SGCZ: variants seen among roughly 807,000 people sequenced by gnomAD.
The protein encoded by SGCZ is zeta-sarcoglycan.
A neutral mutation model predicts 41.3 loss-of-function variants in SGCZ; 40 were observed. That is an observed-to-expected ratio of 0.97 (90% confidence interval 0.75 to 1.26). The LOEUF is 1.26. Ranked by LOEUF, SGCZ falls within the 50% of genes most tolerant of loss-of-function variation. SGCZ has a pLI of 0.00. For synonymous variants in SGCZ, 206 were observed against 137.5 expected (o/e 1.50, Z -3.49); for missense variants, 552 against 369.8 (o/e 1.49, Z -4.04).
intron 1 of SGCZ, among the ~76,000 whole-genome samples, chr8:14,934,957 TAGAGTTATTC>T (rs1391742970): frequency 2.0e-5 from 3 of 148,850 alleles, no homozygotes; most frequent in Admixed American, 6.6e-5. Flanking sequence ...CCCCTCAACT[TAGAGTTATTC>T]AGAGTTATTC....
At chr8:14,467,836 T>G (rs926278191) in intron 2 of SGCZ, among the ~76,000 whole-genome samples, 6 of 152,094 alleles carry the variant, frequency 3.9e-5, no homozygotes, top group African/African-American at 1.4e-4. Flanking sequence ...TGACATCTTC[T>G]TAAATCAGAT....
rs770785138 is a variant in SGCZ at position 14,084,850 on chromosome 8, T to G, written c.*5593A>C. Among the ~76,000 whole-genome samples the G allele has an allele frequency of 2.4e-4, 37 of 151,870 alleles. No homozygotes were observed. The highest frequency in any genetic ancestry group is 4.3e-4 in the Non-Finnish European group (29 of 67,866). On this transcript the variant is annotated 3_prime_UTR_variant, in exon 8 of 8. Coordinates refer to ENST00000382080, the MANE Select transcript of SGCZ (RefSeq NM_139167.4). ...ATAAATGAAATGATATCATGTAAGT[T>G]TTTATCCTCTTTGTTTTGACTATCA...
intron 5 of SGCZ, among the ~76,000 whole-genome samples, chr8:14,148,598 C>G (rs1039246913): frequency 6.6e-6 from 1 of 151,984 alleles, no homozygotes; most frequent in Non-Finnish European, 1.5e-5. Context: ...CTGAATCCAA[C>G]CAAATAAACA....
chr8:14,514,848 A>G (rs923103503), intron 2 of SGCZ, among the ~76,000 whole-genome samples: 2 of 145,638 alleles, frequency 1.4e-5, no homozygotes, highest in African/African-American at 5.0e-5. Flanking sequence ...CACACACTGC[A>G]TATATGAACC....
intron 1 of SGCZ, among the ~76,000 whole-genome samples, chr8:14,822,573 A>C (rs1392097016): frequency 6.6e-6 from 1 of 152,200 alleles, no homozygotes; most frequent in Non-Finnish European, 1.5e-5. Flanking sequence ...ACTTAACTTC[A>C]AAATATGCTA....
chr8:14,290,211 G>A (rs542791986), intron 3 of SGCZ, among the ~76,000 whole-genome samples: 5 of 151,980 alleles, frequency 3.3e-5, no homozygotes, highest in East Asian at 1.9e-4. Flanking sequence ...AGCCTTAAAC[G>A]TAAGACTCAA....
intron 3 of SGCZ, 30 bp from the exon 4 acceptor site, chr8:14,237,709 G>C (rs1441685883): frequency 3.2e-6 from 5 of 1,573,832 alleles, no homozygotes; most frequent in Non-Finnish European, 4.3e-6. Flanking sequence ...TAAATAAATA[G>C]AAAATAGAAA....
At chr8:14,601,295 T>C (rs1300119768) in intron 1 of SGCZ, among the ~76,000 whole-genome samples, 1 of 152,084 alleles carries the variant, frequency 6.6e-6, no homozygotes, top group African/African-American at 2.4e-5. Flanking sequence ...TAAAAAGTGA[T>C]TGATTAGACA....
intron 3 of SGCZ, among the ~76,000 whole-genome samples, chr8:14,293,299 A>G (rs1000812528): frequency 5.9e-5 from 9 of 152,078 alleles, no homozygotes; most frequent in African/African-American, 2.2e-4. Context: ...TCTGTCTGCC[A>G]CACATGAATG....
At chr8:14,774,460 C>T (rs1167441784) in intron 1 of SGCZ, among the ~76,000 whole-genome samples, 1 of 152,208 alleles carries the variant, frequency 6.6e-6, no homozygotes, top group African/African-American at 2.4e-5. Flanking sequence ...ATTGTTCACA[C>T]CTGTGTCCCC....
intron 1 of SGCZ, among the ~76,000 whole-genome samples, chr8:15,088,572 A>G (rs1806033870): frequency 6.6e-6 from 1 of 151,454 alleles, no homozygotes; most frequent in Non-Finnish European, 1.5e-5. Flanking sequence ...TAAATAAAAG[A>G]TGCTCTCATA....
chr8:14,241,258 G>C (rs554993690), intron 3 of SGCZ, among the ~76,000 whole-genome samples: 10 of 151,800 alleles, frequency 6.6e-5, no homozygotes, highest in African/African-American at 2.2e-4. Context: ...AGACATAGTA[G>C]TACTCTCTTA....
intron 3 of SGCZ, among the ~76,000 whole-genome samples, chr8:14,318,985 A>G (rs1801821076): frequency 6.6e-6 from 1 of 151,666 alleles, no homozygotes; most frequent in Non-Finnish European, 1.5e-5. Flanking sequence ...AACTTATTTG[A>G]AAAAAAATAA....
chr8:15,046,165 A>G (rs899618853), intron 1 of SGCZ, among the ~76,000 whole-genome samples: 1 of 152,090 alleles, frequency 6.6e-6, no homozygotes, highest in African/African-American at 2.4e-5. Flanking sequence ...TGTTTTTTAA[A>G]CTAAAGCAAT....
intron 1 of SGCZ, among the ~76,000 whole-genome samples, chr8:14,854,021 TTATATATA>T (rs10604213): frequency 0.14 from 14,789 of 107,660 alleles, 1,083 homozygotes; most frequent in Admixed American, 0.24. Flanking sequence ...TGTGATTATA[TTATATATA>T]TATATATATA....
chr8:14,420,807 C>A (rs10109694), intron 2 of SGCZ, among the ~76,000 whole-genome samples: 1,859 of 152,148 alleles, frequency 0.012, 31 homozygotes, highest in African/African-American at 0.042. Context: ...ATGTTTCTTT[C>A]CTCCTTTTAT....
At chr8:14,230,765 G>GA (rs1806535720) in intron 4 of SGCZ, among the ~76,000 whole-genome samples, 2 of 148,994 alleles carry the variant, frequency 1.3e-5, no homozygotes, top group Non-Finnish European at 3.0e-5. Context: ...TTTGGTGGTG[G>GA]TGGGGGGGTG....
In SGCZ at chr8:15,130,391, T is replaced by C. The variant is rs375435694; in HGVS notation, c.39+107194A>G. ...CTGAAATTCCAGCAAGGGAAATGAA[T>C]GCACTAAAAAGAAATGCAAATGAGA... On this transcript the variant is annotated intron_variant, in intron 1 of 7. Transcript: ENST00000382080. Among the ~76,000 whole-genome samples the C allele has an allele frequency of 1.5e-4, 23 of 152,206 alleles. 1 individual carries two copies. The highest frequency in any genetic ancestry group is 5.1e-4 in the African/African-American group (21 of 41,452).
chr8:14,609,895 T>A (rs910814222), intron 1 of SGCZ, among the ~76,000 whole-genome samples: 1 of 152,198 alleles, frequency 6.6e-6, no homozygotes, highest in African/African-American at 2.4e-5. Flanking sequence ...CAAGTGAGTA[T>A]GACAGCTTTG....
Sources: allele counts gnomAD v4.1 joint callset (sites outside exome capture counted in the v4.1 genomes callset), GRCh38; gene constraint gnomAD v4.1.1; transcripts MANE v1.5; gene names NCBI Gene and HGNC (gene_info 2026-07-23, HGNC 2026-07-21).